Variants in MACROD2 observed in about 807,000 individuals in gnomAD.
The protein encoded by MACROD2 is ADP-ribose glycohydrolase MACROD2.
In MACROD2, 36 loss-of-function variants were observed where a neutral mutation model predicts 70.4. The ratio of observed to expected loss-of-function variants is 0.51; its 90% CI spans 0.39 to 0.68. The LOEUF is 0.68. MACROD2 is among the 30% of genes least tolerant of loss of function. The probability of loss-of-function intolerance (pLI) is 0.00; values close to 1 mark genes in which losing one functional copy is unlikely to be tolerated. For missense variants in MACROD2, 496 were observed against 538.4 expected (o/e 0.92, Z 0.78); for synonymous variants, 172 against 178.8 (o/e 0.96, Z 0.30).
intron 4 of MACROD2, among the ~76,000 whole-genome samples, chr20:14,619,284 A>T (rs1277720547): frequency 6.6e-6 from 1 of 150,550 alleles, no homozygotes; most frequent in Non-Finnish European, 1.5e-5. Context: ...CCTCCCTCTA[A>T]CTAGGCTGCT....
chr20:14,883,877 T>C lies in MACROD2; in HGVS notation c.418+198918T>C, dbSNP rs1043837288. On this transcript the variant is annotated intron_variant, in intron 5 of 17. Coordinates refer to ENST00000684519, the MANE Select transcript of MACROD2 (RefSeq NM_001351661.2). The stretch of plus-strand genomic sequence containing the variant: ...CAGTACACCCTACCACAAGCTCAAC[T>C]TTGGAATCTGATAAAATATTTTTTA... Among the ~76,000 whole-genome samples, 5 of 152,202 alleles carry C rather than the reference T, an allele frequency of 3.3e-5. No individual in the cohort carries two copies. In the East Asian group the frequency reaches 9.6e-4, roughly 29 times the overall value.
chr20:15,889,528 G>A (rs1417739874), intron 10 of MACROD2, among the ~76,000 whole-genome samples: 1 of 152,172 alleles, frequency 6.6e-6, no homozygotes, highest in African/African-American at 2.4e-5. Flanking sequence ...AGAGGCAGGA[G>A]CATTTCAGAT....
chr20:14,054,323 G>A (rs2053608532), intron 2 of MACROD2, among the ~76,000 whole-genome samples: 2 of 151,882 alleles, frequency 1.3e-5, no homozygotes, highest in South Asian at 4.2e-4. Flanking sequence ...GGTGGATGGG[G>A]GAGCTCCAAG....
intron 8 of MACROD2, among the ~76,000 whole-genome samples, chr20:15,571,433 T>TC (rs2048375071): frequency 6.6e-6 from 1 of 151,808 alleles, no homozygotes; most frequent in Non-Finnish European, 1.5e-5. Context: ...TTTTTCTTTT[T>TC]TTTTGGAAAT....
At chr20:14,783,903 AC>A (rs1452431633) in intron 5 of MACROD2, among the ~76,000 whole-genome samples, 2 of 152,084 alleles carry the variant, frequency 1.3e-5, no homozygotes, top group Non-Finnish European at 2.9e-5. Context: ...TCTCTTAAGA[AC>A]TGTTCCTCTT....
At position 14,076,205 on chromosome 20, in the gene MACROD2, T is replaced by C. The variant is rs1323717275; in HGVS notation, c.164-9416T>C. ...ATGTATGTATGTTATATATATGTGA[T>C]ATTTTTCTACCTAAGGATAGTATTA... On this transcript the variant is annotated intron_variant, in intron 2 of 17. Coordinates refer to ENST00000684519, the MANE Select transcript of MACROD2 (RefSeq NM_001351661.2). Among the ~76,000 whole-genome samples, 4 of 152,322 alleles carry C rather than the reference T, an allele frequency of 2.6e-5. No individual in the cohort carries two copies. The East Asian group carries it at 7.7e-4, about 29-fold the overall frequency.
chr20:15,805,557 A>G (rs1048321810), intron 8 of MACROD2, among the ~76,000 whole-genome samples: 3 of 151,458 alleles, frequency 2.0e-5, no homozygotes, highest in Non-Finnish European at 4.4e-5. Context: ...GCTCACCACA[A>G]CCTCCGCCTC....
rs186400099 is a variant in MACROD2 at position 15,236,853 on chromosome 20, C to T, written c.540+6792C>T. 1.2e-4 allele frequency among the ~76,000 whole-genome samples: 18 copies of T among 152,314 alleles called. No individual in the cohort carries two copies. In the East Asian group the frequency reaches 3.1e-3, roughly 26 times the overall value. On this transcript the variant is annotated intron_variant, in intron 6 of 17. Transcript: ENST00000684519. The stretch of plus-strand genomic sequence containing the variant: ...ACAAAAAGTTGAGGTGGGATTTAAA[C>T]TGAGGTAGTCTAAATCTAGTGGCCT...
intron 5 of MACROD2, among the ~76,000 whole-genome samples, chr20:14,829,767 G>T (rs1287322046): frequency 6.6e-6 from 1 of 152,050 alleles, no homozygotes; most frequent in Non-Finnish European, 1.5e-5. Context: ...TTGATTAACA[G>T]AATATATTTT....
At chr20:14,568,548 TACTC>T (rs1216891270) in intron 4 of MACROD2, among the ~76,000 whole-genome samples, 2 of 152,084 alleles carry the variant, frequency 1.3e-5, no homozygotes, top group African/African-American at 4.8e-5. Context: ...TTGCTCAACT[TACTC>T]AAATAGTTTA....
intron 3 of MACROD2, among the ~76,000 whole-genome samples, chr20:14,278,817 C>G (rs2082280560): frequency 6.6e-6 from 1 of 151,922 alleles, no homozygotes; most frequent in African/African-American, 2.4e-5. Context: ...AAAAAATAAT[C>G]AGTAAGTTTT....
intron 4 of MACROD2, among the ~76,000 whole-genome samples, chr20:14,611,434 G>A (rs1873105518): frequency 1.4e-5 from 2 of 147,272 alleles, no homozygotes; most frequent in South Asian, 4.3e-4. Flanking sequence ...TATGTTCAGA[G>A]ATCAGCAATG....
chr20:14,353,288 C>T (rs1488538453), intron 3 of MACROD2, among the ~76,000 whole-genome samples: 1 of 152,032 alleles, frequency 6.6e-6, no homozygotes, highest in Non-Finnish European at 1.5e-5. Context: ...TTAATAATTA[C>T]TCATCTGTTA....
At chr20:14,634,669 T>C (rs1984689666) in intron 4 of MACROD2, among the ~76,000 whole-genome samples, 1 of 152,058 alleles carries the variant, frequency 6.6e-6, no homozygotes, top group Non-Finnish European at 1.5e-5. Context: ...TCTGTAAATG[T>C]TGTGGGGCAT....
intron 8 of MACROD2, among the ~76,000 whole-genome samples, chr20:15,847,313 C>A (rs117816326): frequency 3.9e-5 from 6 of 152,266 alleles, no homozygotes; most frequent in Non-Finnish European, 7.3e-5. Flanking sequence ...ATGTATCTCT[C>A]TAAGCAATTG....
At chr20:14,438,598 G>A (rs2084085555) in intron 3 of MACROD2, among the ~76,000 whole-genome samples, 1 of 152,106 alleles carries the variant, frequency 6.6e-6, no homozygotes, top group Non-Finnish European at 1.5e-5. Flanking sequence ...TTTGATAACA[G>A]TCATCCTAAC....
intron 3 of MACROD2, among the ~76,000 whole-genome samples, chr20:14,415,246 G>A (rs2083791267): frequency 6.6e-6 from 1 of 152,064 alleles, no homozygotes; most frequent in South Asian, 2.1e-4. Context: ...TAACACCAAG[G>A]AATGTACTAT....
chr20:15,102,735 C>CGT (rs1555782926), intron 5 of MACROD2, among the ~76,000 whole-genome samples: 2 of 151,714 alleles, frequency 1.3e-5, no homozygotes, highest in African/African-American at 4.8e-5. Flanking sequence ...TAAACTCCCA[C>CGT]GTGTGAAAAT....
At chr20:15,041,378 T>G (rs940853103) in intron 5 of MACROD2, among the ~76,000 whole-genome samples, 1 of 152,170 alleles carries the variant, frequency 6.6e-6, no homozygotes, top group African/African-American at 2.4e-5. Context: ...TAGAAAGTCA[T>G]GTACTTCTAG....
Sources: allele counts gnomAD v4.1 joint callset (sites outside exome capture counted in the v4.1 genomes callset), GRCh38; gene constraint gnomAD v4.1.1; transcripts MANE v1.5; gene names NCBI Gene and HGNC (gene_info 2026-07-23, HGNC 2026-07-21).